ABI3BP: variants seen among roughly 807,000 people sequenced by gnomAD.
ABI3BP encodes the protein target of Nesh-SH3.
In ABI3BP, 216 loss-of-function variants were observed where a neutral mutation model predicts 268.6. The ratio of observed to expected loss-of-function variants is 0.80; its 90% CI spans 0.72 to 0.90. The LOEUF (loss-of-function observed/expected upper bound fraction) is 0.90, where lower values mean the gene tolerates loss of function less well. Ranked by LOEUF, ABI3BP falls within the 40% of genes least tolerant of loss-of-function variation. The pLI is 0.00. For missense variants in ABI3BP, 2,090 were observed against 2,182.4 expected (o/e 0.96, Z 0.84); for synonymous variants, 730 against 730.0 (o/e 1.00, Z 0.00).
chr3:100,802,647 A>C (rs2097565974), intron 51 of ABI3BP, among the ~76,000 whole-genome samples: 2 of 152,278 alleles, frequency 1.3e-5, no homozygotes, highest in African/African-American at 2.4e-5. Context: ...AGTGCTGTAC[A>C]ATGAATCTGA....
intron 62 of ABI3BP, among the ~76,000 whole-genome samples, chr3:100,768,209 C>G (rs550376972): frequency 1.3e-5 from 2 of 151,984 alleles, no homozygotes; most frequent in African/African-American, 4.8e-5. Context: ...CTGCCTCAGC[C>G]TCCGGAGTAG....
At chr3:100,895,205 T>C (rs1006048328) in intron 4 of ABI3BP, among the ~76,000 whole-genome samples, 31 of 152,022 alleles carry the variant, frequency 2.0e-4, no homozygotes, top group Non-Finnish European at 1.2e-4. Flanking sequence ...TGAGGCTCTA[T>C]TGAAGACAAA....
intron 1 of ABI3BP, among the ~76,000 whole-genome samples, chr3:100,985,919 T>C (rs1392905750): frequency 6.6e-6 from 1 of 152,250 alleles, no homozygotes; most frequent in Non-Finnish European, 1.5e-5. Context: ...AGTTTCACTA[T>C]ATCACTTGCT....
At chr3:100,888,413 A>C (rs1305108132) in intron 4 of ABI3BP, among the ~76,000 whole-genome samples, 1 of 152,106 alleles carries the variant, frequency 6.6e-6, no homozygotes, top group Non-Finnish European at 1.5e-5. Context: ...AGCTAAAATC[A>C]GACCAGATGG....
chr3:100,791,134 A>G (rs2097187055), intron 55 of ABI3BP, among the ~76,000 whole-genome samples: 1 of 151,946 alleles, frequency 6.6e-6, no homozygotes, highest in Non-Finnish European at 1.5e-5. Context: ...GTCAGCATGT[A>G]CAAATATGTT....
chr3:100,850,091 T>G lies in ABI3BP; in HGVS notation c.1455A>C (p.Gln485His). Residue 485 changes from glutamine to histidine, a missense_variant, in exon 17 of 68, where the codon CAA becomes CAC. Transcript: ENST00000471714. ...LAPSETPFVPQKLEIFTSPEM... is the reference protein window; with the variant it reads ...LAPSETPFVPHKLEIFTSPEM... ...CTGGACTGGTAAAGATTTCCAGTTT[T>G]TGAGGAACAAATGGTGTTTCACTTG... is the stretch of plus-strand genomic sequence containing the variant. 2 of 1,611,002 alleles carry G rather than the reference T, an allele frequency of 1.2e-6. No individual in the cohort carries two copies. The highest frequency in any genetic ancestry group is 1.7e-6 in the Non-Finnish European group (2 of 1,178,664).
chr3:100,852,586 T>C (rs748451920), intron 14 of ABI3BP, among the ~76,000 whole-genome samples: 8 of 152,160 alleles, frequency 5.3e-5, no homozygotes, highest in African/African-American at 1.9e-4. Flanking sequence ...CACACTGAAA[T>C]TGTCCCATCC....
At chr3:100,915,677 A>G (rs2058370565) in intron 2 of ABI3BP, among the ~76,000 whole-genome samples, 1 of 152,184 alleles carries the variant, frequency 6.6e-6, no homozygotes, top group South Asian at 2.1e-4. Context: ...CGGAAAGATA[A>G]GTTAAGAATT....
rs1389340081 is a variant in ABI3BP at position 100,838,391 on chromosome 3, GTAATGAT to G, written c.2008+4_2008+10del. On this transcript the variant is annotated splice_donor_5th_base_variant and intron_variant, in intron 25 of 67. Transcript: ENST00000471714. ...CTATTTATAGATCAAGGCATTGAAA[GTAATGAT>G]TACCAGGCTGAATTTGAGGTGCATC... The G allele has an allele frequency of 8.9e-5, 137 of 1,535,178 alleles. No homozygotes were observed. The highest frequency in any genetic ancestry group is 1.2e-4 in the Non-Finnish European group (132 of 1,146,168).
At chr3:100,889,272 G>A (rs537530404) in intron 4 of ABI3BP, among the ~76,000 whole-genome samples, 2 of 152,196 alleles carry the variant, frequency 1.3e-5, no homozygotes, top group African/African-American at 4.8e-5. Flanking sequence ...GAGAGCCCAA[G>A]AAGTGTCTAA....
At chr3:100,780,996 A>G (rs1447657383) in intron 57 of ABI3BP, among the ~76,000 whole-genome samples, 1 of 152,242 alleles carries the variant, frequency 6.6e-6, no homozygotes, top group Non-Finnish European at 1.5e-5. Context: ...AGTCTTCATT[A>G]TAAAAGAATA....
At chr3:100,914,333 G>C (rs2057838434) in intron 2 of ABI3BP, 3 of 393,356 alleles carry the variant, frequency 7.6e-6, no homozygotes, top group Non-Finnish European at 1.5e-5. Context: ...ATGCCCCATG[G>C]CTTGGAGAAT....
At chr3:100,839,964 G>A in intron 23 of ABI3BP, 108 bp downstream of exon 23, 1 of 869,098 alleles carries the variant, frequency 1.2e-6, no homozygotes, top group Non-Finnish European at 1.8e-6. Context: ...AGTTATAAAA[G>A]TCAATTCCAC....
At chr3:100,923,081 A>G (rs970323018) in intron 2 of ABI3BP, among the ~76,000 whole-genome samples, 1 of 152,216 alleles carries the variant, frequency 6.6e-6, no homozygotes, top group Non-Finnish European at 1.5e-5. Flanking sequence ...ATACTAGAAG[A>G]GAAAAGGAAT....
chr3:100,951,662 G>A (rs567671522), intron 1 of ABI3BP, among the ~76,000 whole-genome samples: 1 of 152,024 alleles, frequency 6.6e-6, no homozygotes, highest in Admixed American at 6.5e-5. Flanking sequence ...CACACTTGAG[G>A]AGTCAGGTTT....
chr3:100,770,897 G>A lies in ABI3BP; in HGVS notation c.4587C>T (p.Asp1529=). The change falls in exon 62 of 68, where the codon GAC becomes GAT. Residue 1529 remains aspartate (D), a synonymous_variant. Transcript: ENST00000471714. The stretch of plus-strand genomic sequence containing the variant: ...CCTCTTTGGGGAACCGTTTGACAGA[G>A]TCAGTAATGGAGCAGGGACTGTTGT... ...KPDNSPCSIT[D]SVKRFPKEEA... 1 of 1,602,224 alleles carries A rather than the reference G, an allele frequency of 6.2e-7. No individual in the cohort carries two copies. Among genetic ancestry groups the A allele is most frequent in the Non-Finnish European group, 8.5e-7 (1 of 1,174,324 alleles).
chr3:100,750,867 A>G (rs1279859313), intron 67 of ABI3BP, among the ~76,000 whole-genome samples: 1 of 152,172 alleles, frequency 6.6e-6, no homozygotes, highest in Non-Finnish European at 1.5e-5. Context: ...TTCACTGCCC[A>G]TTATGTGTTC....
intron 61 of ABI3BP, among the ~76,000 whole-genome samples, chr3:100,772,423 A>G (rs2096572572): frequency 6.6e-6 from 1 of 152,242 alleles, no homozygotes; most frequent in Non-Finnish European, 1.5e-5. Context: ...TAATGTATAT[A>G]ACATGTAAAA....
intron 57 of ABI3BP, among the ~76,000 whole-genome samples, chr3:100,783,503 G>A (rs577668061): frequency 3.9e-5 from 6 of 152,330 alleles, no homozygotes; most frequent in African/African-American, 1.4e-4. Flanking sequence ...TTCCCTCAGG[G>A]AGAAAGTCAG....
Sources: allele counts gnomAD v4.1 joint callset (sites outside exome capture counted in the v4.1 genomes callset), GRCh38; gene constraint gnomAD v4.1.1; transcripts MANE v1.5; gene names NCBI Gene and HGNC (gene_info 2026-07-23, HGNC 2026-07-21).